Variants in RBFOX1 observed in about 807,000 individuals in gnomAD.
RBFOX1 encodes RNA binding protein fox-1 homolog 1.
A neutral mutation model predicts 57.7 loss-of-function variants in RBFOX1; 8 were observed. The observed-to-expected ratio is 0.14, with a 90% confidence interval of 0.08 to 0.25. The LOEUF is 0.25. Among genes scored for constraint, RBFOX1 ranks in the 10% least tolerant of loss-of-function variants. RBFOX1 has a pLI of 1.00. For synonymous variants in RBFOX1, 326 were observed against 222.4 expected (o/e 1.47, Z -4.15); for missense variants, 611 against 548.5 (o/e 1.11, Z -1.14).
intron 4 of RBFOX1, among the ~76,000 whole-genome samples, chr16:5,993,320 G>C (rs2060433554): frequency 6.6e-6 from 1 of 151,548 alleles, no homozygotes; most frequent in Admixed American, 6.6e-5. Context: ...CTGTTTGCCT[G>C]CCTATTTGAT....
At chr16:6,216,749 A>G (rs2097338228) in intron 1 of RBFOX1, among the ~76,000 whole-genome samples, 1 of 151,830 alleles carries the variant, frequency 6.6e-6, no homozygotes, top group African/African-American at 2.4e-5. Context: ...TCCTCTGCCT[A>G]CTCTGCCTGA....
intron 5 of RBFOX1, among the ~76,000 whole-genome samples, chr16:7,567,911 A>G (rs1057192360): frequency 2.0e-5 from 3 of 150,706 alleles, no homozygotes; most frequent in Admixed American, 6.6e-5. Context: ...ATATATATCC[A>G]TATATATGTA....
chr16:6,537,967 C>T (rs1353003846), intron 2 of RBFOX1, among the ~76,000 whole-genome samples: 3 of 151,524 alleles, frequency 2.0e-5, no homozygotes, highest in Non-Finnish European at 2.9e-5. Flanking sequence ...AGGAACTCTA[C>T]AGTGATTTGC....
At chr16:5,696,824 A>G (rs1382851763) in intron 3 of RBFOX1, among the ~76,000 whole-genome samples, 3 of 152,090 alleles carry the variant, frequency 2.0e-5, no homozygotes, top group Non-Finnish European at 2.9e-5. Context: ...TTTGATTTAT[A>G]TATTTAAATT....
At chr16:6,666,426 G>A (rs1458504641) in intron 3 of RBFOX1, among the ~76,000 whole-genome samples, 3 of 151,656 alleles carry the variant, frequency 2.0e-5, no homozygotes, top group African/African-American at 7.3e-5. Flanking sequence ...TCCTAGCCAT[G>A]CTATTCGGGA....
intron 2 of RBFOX1, among the ~76,000 whole-genome samples, chr16:6,625,866 G>T (rs2098297858): frequency 6.6e-6 from 1 of 152,192 alleles, no homozygotes; most frequent in Admixed American, 6.5e-5. Context: ...TGCCATTGTT[G>T]TTGGGGATTC....
At chr16:6,939,882 C>T (rs566670123) in intron 3 of RBFOX1, among the ~76,000 whole-genome samples, 1 of 152,274 alleles carries the variant, frequency 6.6e-6, no homozygotes, top group Non-Finnish European at 1.5e-5. Flanking sequence ...TAATTTACTG[C>T]ATATTATTCA....
intron 4 of RBFOX1, among the ~76,000 whole-genome samples, chr16:7,056,347 C>T (rs931315355): frequency 2.0e-5 from 3 of 152,132 alleles, no homozygotes; most frequent in African/African-American, 7.2e-5. Flanking sequence ...ACTGAGTGTT[C>T]TTCTGAGCTT....
intron 3 of RBFOX1, among the ~76,000 whole-genome samples, chr16:5,813,852 T>G (rs1381033371): frequency 1.3e-5 from 2 of 152,228 alleles, no homozygotes; most frequent in African/African-American, 4.8e-5. Context: ...TTAAAGCCCT[T>G]TATATAGAAT....
At chr16:6,566,312 A>T (rs1265316870) in intron 2 of RBFOX1, among the ~76,000 whole-genome samples, 1 of 152,206 alleles carries the variant, frequency 6.6e-6, no homozygotes, top group Non-Finnish European at 1.5e-5. Flanking sequence ...TTGCACCTCG[A>T]TTCTAGGTGT....
At chr16:6,740,793 C>G (rs996963865) in intron 3 of RBFOX1, among the ~76,000 whole-genome samples, 14 of 152,156 alleles carry the variant, frequency 9.2e-5, no homozygotes, top group African/African-American at 3.4e-4. Context: ...GCCATTTCTG[C>G]TCAAATTGAT....
intron 4 of RBFOX1, among the ~76,000 whole-genome samples, chr16:7,079,691 C>T (rs574078695): frequency 3.3e-5 from 5 of 152,084 alleles, no homozygotes; most frequent in African/African-American, 1.2e-4. Flanking sequence ...TCCTGCATGG[C>T]AAATGGAGGC....
intron 2 of RBFOX1, among the ~76,000 whole-genome samples, chr16:6,332,546 C>G (rs1567954875): frequency 6.6e-6 from 1 of 152,218 alleles, no homozygotes; most frequent in East Asian, 1.9e-4. Flanking sequence ...AAATTCTCAG[C>G]ACATTACTTC....
chr16:6,821,038 A>T (rs2091206365), intron 3 of RBFOX1, among the ~76,000 whole-genome samples: 1 of 152,210 alleles, frequency 6.6e-6, no homozygotes, highest in African/African-American at 2.4e-5. Flanking sequence ...TAACCCTACA[A>T]AACAGATTCC....
At position 6,985,941 on chromosome 16, in the gene RBFOX1, A is replaced by G. The variant is rs183999303; in HGVS notation, c.-15-66116A>G. 5.6e-3 allele frequency among the ~76,000 whole-genome samples: 833 copies of G among 150,020 alleles called. 3 individuals are homozygous for G. The highest frequency in any genetic ancestry group is 9.2e-3 in the Non-Finnish European group (620 of 67,732). On this transcript the variant is annotated intron_variant, in intron 3 of 15. Transcript: ENST00000550418. ...AAATGAATGTGAATTGTAAATCTCCATGGAGTGATATAGAATAAGGCACTT... is the reference window on the plus strand; with the variant it reads ...AAATGAATGTGAATTGTAAATCTCCGTGGAGTGATATAGAATAAGGCACTT...
intron 10 of RBFOX1, among the ~76,000 whole-genome samples, chr16:7,619,682 G>A (rs554694945): frequency 6.6e-6 from 1 of 152,184 alleles, no homozygotes; most frequent in Non-Finnish European, 1.5e-5. Flanking sequence ...TTCCCAAGAA[G>A]ATAAGAAGAG....
chr16:5,450,687 C>G (rs1213502813), intron 1 of RBFOX1, among the ~76,000 whole-genome samples: 5 of 152,252 alleles, frequency 3.3e-5, no homozygotes, highest in African/African-American at 1.2e-4. Flanking sequence ...AGGAAACTTG[C>G]CACCACCACC....
chr16:7,275,882 G>A (rs1472937568), intron 4 of RBFOX1, among the ~76,000 whole-genome samples: 3 of 152,182 alleles, frequency 2.0e-5, no homozygotes, highest in African/African-American at 7.2e-5. Flanking sequence ...CTGAGAGGCA[G>A]CCCCAGGGGT....
At chr16:5,966,459 G>C (rs1462153678) in intron 4 of RBFOX1, among the ~76,000 whole-genome samples, 1 of 151,928 alleles carries the variant, frequency 6.6e-6, no homozygotes, top group Non-Finnish European at 1.5e-5. Context: ...ACTTTTTTTT[G>C]GTTTTGTTTT....
Sources: allele counts gnomAD v4.1 joint callset (sites outside exome capture counted in the v4.1 genomes callset), GRCh38; gene constraint gnomAD v4.1.1; transcripts MANE v1.5; gene names NCBI Gene and HGNC (gene_info 2026-07-23, HGNC 2026-07-21).